The following UNC80 variants were observed in gnomAD, a reference collection of about 807,000 sequenced individuals.
The protein encoded by UNC80 is unc-80 subunit of NALCN channel complex, also known as protein unc-80 homolog.
A neutral mutation model predicts 384.6 loss-of-function variants in UNC80; 164 were observed. The ratio of observed to expected loss-of-function variants is 0.43; its 90% CI spans 0.38 to 0.49. The LOEUF is 0.49. Ranked by LOEUF, UNC80 falls within the 20% of genes least tolerant of loss-of-function variation. UNC80 has a pLI of 0.00. For synonymous variants in UNC80, 1,486 were observed against 1,527.8 expected, an observed-to-expected ratio of 0.97 and a Z score of 0.64; for missense variants, 3,330 against 4,143.0, an observed-to-expected ratio of 0.80 and a Z score of 5.39.
At chr2:209,945,261 CACAT>C in intron 46 of UNC80, 72 bp downstream of exon 46, 1 of 1,404,908 alleles carries the variant, frequency 7.1e-7, no homozygotes, top group Non-Finnish European at 9.6e-7. Flanking sequence ...GTATTATACA[CACAT>C]ACACGTATAT....
At chr2:209,814,587 A>G (rs1323240739) in intron 8 of UNC80, among the ~76,000 whole-genome samples, 1 of 152,160 alleles carries the variant, frequency 6.6e-6, no homozygotes, top group Non-Finnish European at 1.5e-5. Context: ...GGAATATTGC[A>G]TTTTGATAGT....
At position 209,973,211 on chromosome 2, in the gene UNC80, C is replaced by T. The variant is rs199561408; in HGVS notation, c.8528C>T (p.Ala2843Val). Reference protein sequence around the residue: ...SPAHCSTPGDAGKDLRREGLA... With the variant: ...SPAHCSTPGDVGKDLRREGLA... ...GCCCACTGCTCCACCCCTGGGGATGCGGGGAAAGACTTGCGCAGGGAAGGG... is the reference window on the plus strand; with the variant it reads ...GCCCACTGCTCCACCCCTGGGGATGTGGGGAAAGACTTGCGCAGGGAAGGG... The change falls in exon 56 of 65, where the codon GCG becomes GTG. Residue 2843 changes from alanine to valine, a missense_variant. Transcript: ENST00000673920. The T allele has an allele frequency of 6.5e-4, 1,006 of 1,551,592 alleles. 4 individuals carry two copies. Among genetic ancestry groups the T allele is most frequent in the Middle Eastern group, 4.3e-3 (26 of 5,992 alleles).
intron 22 of UNC80, among the ~76,000 whole-genome samples, chr2:209,857,273 G>T (rs910489174): frequency 6.6e-6 from 1 of 152,064 alleles, no homozygotes; most frequent in Admixed American, 6.6e-5. Context: ...TTGAGTCCAC[G>T]GATATATTTA....
intron 23 of UNC80, among the ~76,000 whole-genome samples, chr2:209,873,423 T>C (rs2124883768): frequency 6.6e-6 from 1 of 152,342 alleles, no homozygotes; most frequent in South Asian, 2.1e-4. Flanking sequence ...CTTAGTGAAA[T>C]TTTCTCTTTT....
intron 22 of UNC80, among the ~76,000 whole-genome samples, chr2:209,868,864 A>G (rs2084057434): frequency 6.6e-6 from 1 of 152,198 alleles, no homozygotes; most frequent in Non-Finnish European, 1.5e-5. Context: ...CCCAGTTAAA[A>G]TCGATTCTTG....
rs2125017423 is a variant in UNC80 at position 209,976,807 on chromosome 2, C to A, written c.8773-106C>A. The A allele has an allele frequency of 8.0e-7, 1 of 1,256,516 alleles. No homozygotes were observed. Among genetic ancestry groups the A allele is most frequent in the Non-Finnish European group, 1.1e-6 (1 of 928,766 alleles). The allele number at this position is 1,256,516 out of a possible 1,614,324, so 77.8% of individuals were successfully genotyped here. On this transcript the variant is annotated intron_variant, in intron 57 of 64. Transcript: ENST00000673920. The surrounding 1 kb of genome is among the most constrained non-coding windows in gnomAD (Gnocchi z 4.3). ...GTAAAGTGCCGTTCTAGGAACATCACATGCATTACCTTATTTATTCCTCAC... is the reference window on the plus strand; with the variant it reads ...GTAAAGTGCCGTTCTAGGAACATCAAATGCATTACCTTATTTATTCCTCAC...
rs184421873 is a variant in UNC80 at position 209,798,822 on chromosome 2, C to T, written c.938+4963C>T. On this transcript the variant is annotated intron_variant, in intron 7 of 64. Coordinates refer to ENST00000673920, the MANE Select transcript of UNC80 (RefSeq NM_001371986.1). ...CCTGCCGAGTAGCTGGGACTACAGG[C>T]GCCCACCACCAAGCCTGGCTAATTT... Among the ~76,000 whole-genome samples, 178 of 149,104 alleles carry T rather than the reference C, an allele frequency of 1.2e-3. 1 individual carries two copies. The highest frequency in any genetic ancestry group is 4.1e-3 in the African/African-American group (167 of 40,896).
chr2:209,849,398 G>A, intron 21 of UNC80, 53 bp from the exon 22 acceptor site: 3 of 1,538,278 alleles, frequency 2.0e-6, no homozygotes, highest in Non-Finnish European at 2.6e-6. Context: ...TTAAACCTGT[G>A]ATCCTTTACG....
In UNC80 at chr2:209,996,815, A is replaced by G. The variant is rs2093490479; in HGVS notation, c.*1220A>G. Reference sequence around the variant, plus strand: ...GAATTTCAAAATTTTAACAGTTTACATTAGAAAACTGTTACCTAACAACCA... The same window carrying G: ...GAATTTCAAAATTTTAACAGTTTACGTTAGAAAACTGTTACCTAACAACCA... On this transcript the variant is annotated 3_prime_UTR_variant, in exon 65 of 65. Transcript: ENST00000673920. 1 of 152,172 alleles carries G rather than the reference A, an allele frequency of 6.6e-6. No homozygotes were observed. The highest frequency in any genetic ancestry group is 2.4e-5 in the African/African-American group (1 of 41,444). The allele number at this position is 152,172 out of a possible 1,614,324, so 9.4% of individuals were successfully genotyped here.
chr2:209,804,466 G>A (rs1402779296), intron 7 of UNC80, among the ~76,000 whole-genome samples: 1 of 152,072 alleles, frequency 6.6e-6, no homozygotes, highest in African/African-American at 2.4e-5. Flanking sequence ...AGTTTTGGGA[G>A]TCTAATAGCC....
intron 14 of UNC80, 50 bp from the exon 15 acceptor site, chr2:209,829,182 T>A: frequency 6.5e-7 from 1 of 1,545,048 alleles, no homozygotes; most frequent in Non-Finnish European, 8.7e-7. Flanking sequence ...CCAGTATCCA[T>A]AGCTTAAGCT....
chr2:209,894,127 G>A, intron 26 of UNC80, 36 bp from the exon 27 acceptor site: 1 of 982,734 alleles, frequency 1.0e-6, no homozygotes, highest in Non-Finnish European at 1.2e-6. Flanking sequence ...GGGAACACTA[G>A]GGGGGAAAAA....
intron 26 of UNC80, among the ~76,000 whole-genome samples, chr2:209,888,636 G>T (rs2086048679): frequency 6.6e-6 from 1 of 151,628 alleles, no homozygotes; most frequent in Non-Finnish European, 1.5e-5. Flanking sequence ...CTTTTTGTGA[G>T]ACAGAGTCTC....
chr2:209,912,271 A>G (rs1206538611), intron 29 of UNC80, among the ~76,000 whole-genome samples: 1 of 152,216 alleles, frequency 6.6e-6, no homozygotes, highest in African/African-American at 2.4e-5. Context: ...TCTGCTGATA[A>G]CTAGCTTTGC....
chr2:209,772,433 G>C (rs1036847171), intron 1 of UNC80, among the ~76,000 whole-genome samples: 4 of 151,874 alleles, frequency 2.6e-5, no homozygotes, highest in African/African-American at 9.7e-5. Context: ...GGAGGGCAGA[G>C]AGCCTGGGAA....
At chr2:209,779,806 A>C (rs999822308) in intron 4 of UNC80, among the ~76,000 whole-genome samples, 4 of 152,242 alleles carry the variant, frequency 2.6e-5, no homozygotes, top group African/African-American at 9.6e-5. Context: ...AGATGTTTAT[A>C]TGTTGACAAA....
chr2:209,787,435 G>A (rs1393769524), intron 5 of UNC80, among the ~76,000 whole-genome samples: 3 of 152,174 alleles, frequency 2.0e-5, no homozygotes, highest in Non-Finnish European at 4.4e-5. Flanking sequence ...AACTCACTGT[G>A]TCTTAGTTTC....
chr2:209,995,629 A>T lies in UNC80; in HGVS notation c.*34A>T. 6.5e-7 allele frequency: 1 copy of T among 1,543,412 alleles called. No homozygotes were observed. The highest frequency in any genetic ancestry group is 2.5e-5 in the East Asian group (1 of 40,816). Reference sequence around the variant, plus strand: ...CTTGTAAGCTCTGCAGGTATAGAGAAGACATGAAAGTGATCTCTCTACTAC... The same window carrying T: ...CTTGTAAGCTCTGCAGGTATAGAGATGACATGAAAGTGATCTCTCTACTAC... On this transcript the variant is annotated 3_prime_UTR_variant, in exon 65 of 65. Transcript: ENST00000673920.
chr2:209,922,421 A>G (rs752260338), intron 35 of UNC80, 38 bp downstream of exon 35: 76 of 1,539,476 alleles, frequency 4.9e-5, no homozygotes, highest in Non-Finnish European at 6.4e-5. Flanking sequence ...CTCCTGACTT[A>G]TGTGTTTTGA....
Sources: gnomAD v4.1 joint callset for allele counts (sites outside exome capture counted in the v4.1 genomes callset) on GRCh38, gnomAD v4.1.1 for gene constraint, Gnocchi (gnomAD v3.1) non-coding constraint, MANE v1.5 for transcripts, NCBI Gene and HGNC (gene_info 2026-07-23, HGNC 2026-07-21) for gene names.